The following DENND2B variants were observed in gnomAD, a reference collection of about 807,000 sequenced individuals.
DENND2B encodes DENN domain containing 2B, also known as DENN domain-containing protein 2B.
DENND2B carries 32 observed loss-of-function variants against 116.0 expected under a neutral mutation model. That is an observed-to-expected ratio of 0.28 (90% CI 0.21 to 0.37). DENND2B has a LOEUF of 0.37. Ranked by LOEUF, DENND2B falls within the 10% of genes least tolerant of loss-of-function variation. DENND2B has a pLI of 1.00. For missense variants in DENND2B, 1,276 were observed against 1,477.7 expected (o/e 0.86, Z 2.24); for synonymous variants, 588 against 583.9 (o/e 1.01, Z -0.10).
chr11:8,759,392 A>T (rs2054171039), intron 1 of DENND2B, among the ~76,000 whole-genome samples: 1 of 152,214 alleles, frequency 6.6e-6, no homozygotes, highest in Admixed American at 6.5e-5. Context: ...TGCTGAGGTT[A>T]ATGTCACCAC....
chr11:8,790,417 G>A (rs752815810), intron 1 of DENND2B, among the ~76,000 whole-genome samples: 11 of 152,230 alleles, frequency 7.2e-5, no homozygotes, highest in South Asian at 2.1e-4. Flanking sequence ...GGGGCCTAAC[G>A]AATGTATGCT....
chr11:8,746,459 G>T (rs1366310113), intron 2 of DENND2B, among the ~76,000 whole-genome samples: 1 of 152,204 alleles, frequency 6.6e-6, no homozygotes, highest in East Asian at 1.9e-4. Flanking sequence ...AACAGAGAAT[G>T]TATCGGGCCT....
chr11:8,817,928 T>C lies in DENND2B; in HGVS notation c.-114-6593A>G, dbSNP rs545330642. Among the ~76,000 whole-genome samples the C allele has an allele frequency of 1.6e-4, 24 of 151,774 alleles. No homozygotes were observed. In the South Asian group the frequency reaches 4.8e-3, roughly 30 times the overall value. ...AGGAAAGACTGGATCAAGGAAGCAA[T>C]ACCCTAGATCCCCATGAAAGCACCA... is the stretch of plus-strand genomic sequence containing the variant. On this transcript the variant is annotated intron_variant, in intron 4 of 6. Coordinates refer to the DENND2B transcript ENST00000524757.
chr11:8,710,836 C>A lies in DENND2B; in HGVS notation c.2352+9G>T. 1 of 1,613,746 alleles carries A rather than the reference C, an allele frequency of 6.2e-7. No homozygotes were observed. Among genetic ancestry groups the A allele is most frequent in the Non-Finnish European group, 8.5e-7 (1 of 1,179,960 alleles). On this transcript the variant is annotated intron_variant, in intron 11 of 19. Coordinates refer to ENST00000313726, the MANE Select transcript of DENND2B (RefSeq NM_213618.2). ...CCTGCTGGCCTGAGGACCGAATGGC[C>A]TCACTCACCAGTAAGCGCCTGCAGT...
At chr11:8,894,420 C>T (rs2064074074) in intron 1 of DENND2B, among the ~76,000 whole-genome samples, 1 of 152,048 alleles carries the variant, frequency 6.6e-6, no homozygotes, top group East Asian at 1.9e-4. Flanking sequence ...AACTAAAGAG[C>T]TTCTGCACAG....
At chr11:8,710,779 ACACACAC>A in intron 11 of DENND2B, 59 bp downstream of exon 11, 2 of 1,419,584 alleles carry the variant, frequency 1.4e-6, no homozygotes, top group Non-Finnish European at 2.0e-6. Flanking sequence ...ACACACACAC[ACACACAC>A]ACACACACCC....
chr11:8,734,858 C>T (rs1240012510), intron 2 of DENND2B, among the ~76,000 whole-genome samples: 2 of 151,370 alleles, frequency 1.3e-5, no homozygotes, highest in African/African-American at 2.4e-5. Context: ...TAGTACCTGT[C>T]GCGCATTGAG....
At chr11:8,802,940 T>C (rs925947788) in intron 1 of DENND2B, among the ~76,000 whole-genome samples, 10 of 152,208 alleles carry the variant, frequency 6.6e-5, no homozygotes. Context: ...TAGAATCTGG[T>C]TGATGGGGTT....
At chr11:8,865,294 T>C (rs985371851) in intron 2 of DENND2B, among the ~76,000 whole-genome samples, 2 of 152,160 alleles carry the variant, frequency 1.3e-5, no homozygotes, top group Non-Finnish European at 2.9e-5. Context: ...TTTTAAAAGA[T>C]CATCTCCAGA....
At chr11:8,742,657 G>A (rs2050422735) in intron 2 of DENND2B, among the ~76,000 whole-genome samples, 1 of 152,246 alleles carries the variant, frequency 6.6e-6, no homozygotes, top group African/African-American at 2.4e-5. Context: ...GGTAAACTAA[G>A]AAGGAGCTGT....
chr11:8,838,705 G>A (rs1417879050), intron 4 of DENND2B, among the ~76,000 whole-genome samples: 1 of 152,168 alleles, frequency 6.6e-6, no homozygotes, highest in Non-Finnish European at 1.5e-5. Context: ...AAAGGAATCC[G>A]AGTTTTAAAA....
chr11:8,840,548 T>C (rs2062589568), intron 3 of DENND2B, among the ~76,000 whole-genome samples: 1 of 152,218 alleles, frequency 6.6e-6, no homozygotes. Context: ...GGCCTTTGTC[T>C]GTGCCTTCTC....
At chr11:8,743,471 A>G (rs1308693721) in intron 2 of DENND2B, among the ~76,000 whole-genome samples, 1 of 151,966 alleles carries the variant, frequency 6.6e-6, no homozygotes, top group Non-Finnish European at 1.5e-5. Flanking sequence ...AATCACTTGA[A>G]CCTGGTTGGC....
intron 1 of DENND2B, 108 bp from the exon 2 acceptor site, chr11:8,750,833 T>C (rs974206958): frequency 3.4e-6 from 3 of 893,334 alleles, no homozygotes; most frequent in Admixed American, 2.0e-5. Context: ...CTGTGGCAGG[T>C]AGTAGAAACT....
intron 1 of DENND2B, among the ~76,000 whole-genome samples, chr11:8,767,756 C>G (rs1282346141): frequency 6.6e-6 from 1 of 152,290 alleles, no homozygotes; most frequent in South Asian, 2.1e-4. Flanking sequence ...TCTACCCCCT[C>G]GCCTTTGAGA....
chr11:8,790,337 A>G (rs980499162), intron 1 of DENND2B, among the ~76,000 whole-genome samples: 2 of 152,166 alleles, frequency 1.3e-5, no homozygotes, highest in African/African-American at 2.4e-5. Context: ...CTGGCTTTTC[A>G]TATGTCTTGT....
At position 8,698,459 on chromosome 11, in the gene DENND2B, G is replaced by C. The variant is rs554747438; in HGVS notation, c.2940+474C>G. The stretch of plus-strand genomic sequence containing the variant: ...TTTCCATAGGGGAGAGCACTGGGTT[G>C]TGCTCCTTTGTAGAGAGCCAGGAGG... On this transcript the variant is annotated intron_variant, in intron 16 of 19. Coordinates refer to ENST00000313726, the MANE Select transcript of DENND2B (RefSeq NM_213618.2). Among the ~76,000 whole-genome samples the C allele has an allele frequency of 9.2e-4, 140 of 152,350 alleles. 1 individual carries two copies. The highest frequency in any genetic ancestry group is 3.2e-3 in the African/African-American group (134 of 41,570).
chr11:8,846,492 G>A (rs1344801839), intron 3 of DENND2B, among the ~76,000 whole-genome samples: 2 of 152,168 alleles, frequency 1.3e-5, no homozygotes, highest in African/African-American at 4.8e-5. Flanking sequence ...TCATCACAAT[G>A]GGGAGGAGGG....
At chr11:8,701,995 C>T (rs1282664140) in intron 14 of DENND2B, among the ~76,000 whole-genome samples, 6 of 152,150 alleles carry the variant, frequency 3.9e-5, no homozygotes, top group African/African-American at 1.4e-4. Flanking sequence ...CTTCCTCACC[C>T]ACTCTCCTCT....
Sources: allele counts gnomAD v4.1 joint callset (sites outside exome capture counted in the v4.1 genomes callset), GRCh38; gene constraint gnomAD v4.1.1; transcripts MANE v1.5; gene names NCBI Gene and HGNC (gene_info 2026-07-23, HGNC 2026-07-21).